The following TRPC3 variants were observed in gnomAD, a reference collection of about 807,000 sequenced individuals.
TRPC3 encodes the protein short transient receptor potential channel 3.
In TRPC3, 54 loss-of-function variants were observed where a neutral mutation model predicts 90.9. That is an observed-to-expected ratio of 0.59 (90% CI 0.48 to 0.75). The LOEUF (loss-of-function observed/expected upper bound fraction) is 0.75, where lower values mean the gene tolerates loss of function less well. Ranked by LOEUF, TRPC3 falls within the 30% of genes least tolerant of loss-of-function variation. The pLI is 0.00. For missense variants in TRPC3, 918 were observed against 1,194.5 expected, an observed-to-expected ratio of 0.77 and a Z score of 3.41; for synonymous variants, 424 against 450.9, an observed-to-expected ratio of 0.94 and a Z score of 0.75.
At chr4:121,909,356 T>C (rs1400817903) in intron 6 of TRPC3, among the ~76,000 whole-genome samples, 2 of 152,140 alleles carry the variant, frequency 1.3e-5, no homozygotes, top group Non-Finnish European at 2.9e-5. Context: ...ACAGTTAAAC[T>C]CTGTGCCTGA....
chr4:121,921,378 C>T (rs967377698), intron 3 of TRPC3, among the ~76,000 whole-genome samples: 1 of 151,124 alleles, frequency 6.6e-6, no homozygotes, highest in Non-Finnish European at 1.5e-5. Context: ...AAAAATTAGC[C>T]GGGCGTAGTG....
At position 121,875,901 on chromosome 4, in the gene TRPC3, T is replaced by TC. The variant is rs1727748523; in HGVS notation, c.*3834_*3835insG. ...ATACCCATTTTAGATTTTTTTTTTT[T>TC]TTTTTTTTTTTTTTTGTGGGGGGTG... On this transcript the variant is annotated 3_prime_UTR_variant, in exon 12 of 12. Transcript: ENST00000379645. Among the ~76,000 whole-genome samples the TC allele has an allele frequency of 1.5e-5, 2 of 137,528 alleles. No homozygotes were observed. 90.2% of individuals were successfully genotyped at this position (137,528 alleles called of 152,430 possible).
At chr4:121,919,077 G>A (rs948931790) in intron 3 of TRPC3, among the ~76,000 whole-genome samples, 5 of 152,328 alleles carry the variant, frequency 3.3e-5, no homozygotes, top group African/African-American at 1.2e-4. Flanking sequence ...GATTCAAAGA[G>A]AGAATGCTTG....
At chr4:121,923,173 C>G (rs1729587376) in intron 3 of TRPC3, among the ~76,000 whole-genome samples, 1 of 152,012 alleles carries the variant, frequency 6.6e-6, no homozygotes, top group African/African-American at 2.4e-5. Context: ...TTCCACTGAT[C>G]AGTGGAAGGG....
chr4:121,887,782 TGAAA>T (rs1348105471), intron 10 of TRPC3, among the ~76,000 whole-genome samples: 1 of 152,124 alleles, frequency 6.6e-6, no homozygotes, highest in Non-Finnish European at 1.5e-5. Context: ...GCTTTTAACT[TGAAA>T]TAACCAAACA....
chr4:121,917,331 A>G (rs914111351), intron 3 of TRPC3, among the ~76,000 whole-genome samples: 4 of 152,172 alleles, frequency 2.6e-5, no homozygotes, highest in African/African-American at 9.7e-5. Context: ...ATTCTTGTTG[A>G]GAACTTCTCC....
intron 10 of TRPC3, among the ~76,000 whole-genome samples, chr4:121,894,678 C>T (rs1728458268): frequency 6.7e-6 from 1 of 148,502 alleles, no homozygotes; most frequent in Non-Finnish European, 1.5e-5. Flanking sequence ...ATCCTCCTAC[C>T]CCATCTTCCC....
chr4:121,904,719 G>A (rs1728822608), intron 7 of TRPC3, among the ~76,000 whole-genome samples: 1 of 152,096 alleles, frequency 6.6e-6, no homozygotes, highest in Non-Finnish European at 1.5e-5. Context: ...ATTAAATGGT[G>A]CCAATGCCTA....
chr4:121,888,562 G>GTT (rs34467429), intron 10 of TRPC3, among the ~76,000 whole-genome samples: 148 of 143,678 alleles, frequency 1.0e-3, no homozygotes, highest in East Asian at 1.6e-3. Flanking sequence ...ACCAAGTTCT[G>GTT]TTTTTTTTTT....
Position 121,951,851 on chromosome 4 carries a change from G to T in TRPC3, c.-171C>A. On this transcript the variant is annotated 5_prime_UTR_variant, in exon 1 of 12. The change creates a new upstream start codon in the 5' untranslated region. Transcript: ENST00000379645. This position sits in a 1 kb window ranked among gnomAD's most constrained non-coding sequence, Gnocchi z 4.4. ...GAGCGTCGCGGCCCGCGATCCAGCA[G>T]TTAGAGGCTAGCGCCGAAGCCGAGC... The T allele has an allele frequency of 8.9e-6, 4 of 450,716 alleles. No individual in the cohort carries two copies. The highest frequency in any genetic ancestry group is 1.5e-5 in the Non-Finnish European group (4 of 271,588). 27.9% of individuals were successfully genotyped at this position (450,716 alleles called of 1,614,324 possible). A position where few individuals can be genotyped will look rare whatever the true frequency, so the allele number is the denominator to read the frequency against.
At chr4:121,931,555 T>C (rs1252500378) in intron 2 of TRPC3, among the ~76,000 whole-genome samples, 1 of 97,172 alleles carries the variant, frequency 1.0e-5, no homozygotes, top group Non-Finnish European at 2.1e-5. Flanking sequence ...AAAAGTTCAC[T>C]TATTAAAAAA....
chr4:121,913,115 C>G (rs1487063093), intron 4 of TRPC3, among the ~76,000 whole-genome samples: 2 of 152,176 alleles, frequency 1.3e-5, no homozygotes, highest in African/African-American at 2.4e-5. Context: ...TGGGATTGAA[C>G]ATGAATGCAC....
intron 10 of TRPC3, among the ~76,000 whole-genome samples, chr4:121,887,804 C>T (rs987965411): frequency 6.6e-6 from 1 of 151,906 alleles, no homozygotes; most frequent in African/African-American, 2.4e-5. Flanking sequence ...ACACAAATAT[C>T]GTTATAATAA....
intron 10 of TRPC3, among the ~76,000 whole-genome samples, chr4:121,884,964 G>C (rs1269064176): frequency 6.6e-6 from 1 of 152,166 alleles, no homozygotes; most frequent in Non-Finnish European, 1.5e-5. Context: ...AAATTTAGGG[G>C]ACAGTGAAGA....
At chr4:121,941,556 G>T (rs190804539) in intron 1 of TRPC3, among the ~76,000 whole-genome samples, 9 of 152,138 alleles carry the variant, frequency 5.9e-5, no homozygotes, top group African/African-American at 2.4e-5. Context: ...AATTGGAAAT[G>T]GTAATGAGGG....
Position 121,875,889 on chromosome 4 carries a change from ATTTTTTTT to A in TRPC3, c.*3839_*3846del, listed in dbSNP as rs1163932789. ...ACAAAGTTATAAATACCCATTTTAG[ATTTTTTTT>A]TTTTTTTTTTTTTTTTTTTGTGGGG... On this transcript the variant is annotated 3_prime_UTR_variant, in exon 12 of 12. Transcript: ENST00000379645. Among the ~76,000 whole-genome samples the A allele has an allele frequency of 1.5e-3, 111 of 75,132 alleles. No individual in the cohort carries two copies. The highest frequency in any genetic ancestry group is 0.01 in the East Asian group (28 of 2,778). 49.3% of individuals were successfully genotyped at this position (75,132 alleles called of 152,430 possible). A position where few individuals can be genotyped will look rare whatever the true frequency, so the allele number is the denominator to read the frequency against.
chr4:121,892,455 A>G (rs1397705809), intron 10 of TRPC3, among the ~76,000 whole-genome samples: 1 of 152,204 alleles, frequency 6.6e-6, no homozygotes, highest in Non-Finnish European at 1.5e-5. Context: ...GAGCTCCAGG[A>G]GCTTTCTTGG....
chr4:121,920,277 T>C (rs1332384309), intron 3 of TRPC3, among the ~76,000 whole-genome samples: 1 of 152,088 alleles, frequency 6.6e-6, no homozygotes, highest in Admixed American at 6.5e-5. Context: ...ATCCTAGCAC[T>C]CTGAGAGGCT....
Position 121,877,992 on chromosome 4 carries a change from C to G in TRPC3, c.*1744G>C, listed in dbSNP as rs952448018. On this transcript the variant is annotated 3_prime_UTR_variant, in exon 12 of 12. Coordinates refer to ENST00000379645, the MANE Select transcript of TRPC3 (RefSeq NM_001130698.2). ...TAGCTATAAGCAAAAACTTTTCACA[C>G]TTGGAATCCTGGACCATACTATAAA... Among the ~76,000 whole-genome samples, 1 of 152,176 alleles carries G rather than the reference C, an allele frequency of 6.6e-6. No homozygotes were observed. The highest frequency in any genetic ancestry group is 2.4e-5 in the African/African-American group (1 of 41,442).
Sources: allele counts gnomAD v4.1 joint callset (sites outside exome capture counted in the v4.1 genomes callset), GRCh38; gene constraint gnomAD v4.1.1; non-coding constraint Gnocchi (gnomAD v3.1); transcripts MANE v1.5; gene names NCBI Gene and HGNC (gene_info 2026-07-23, HGNC 2026-07-21).